Variants in UNKL observed in about 807,000 individuals in gnomAD.
UNKL encodes putative E3 ubiquitin-protein ligase UNKL.
In UNKL, 60 loss-of-function variants were observed where a neutral mutation model predicts 78.0. The observed-to-expected ratio is 0.77, with a 90% confidence interval of 0.63 to 0.95. The LOEUF is 0.95. UNKL is among the 40% of genes least tolerant of loss of function. The pLI is 0.00. For missense variants in UNKL, 1,159 were observed against 1,045.7 expected (o/e 1.11, Z -1.49); for synonymous variants, 608 against 474.8 (o/e 1.28, Z -3.65).
At chr16:1,398,184 C>T (rs750183660) in intron 5 of UNKL, 60 of 565,512 alleles carry the variant, frequency 1.1e-4, no homozygotes, top group Non-Finnish European at 1.2e-4. Flanking sequence ...TTTAAAACTC[C>T]GCACCAATTT....
rs1476401569 is a variant in UNKL, at chr16:1,413,935, G to A, written c.198C>T (p.Leu66=). The change falls in exon 2 of 15, where the codon CTC becomes CTT. Residue 66 remains leucine, a synonymous_variant. Transcript: ENST00000389221. ...HFLNQRRRRP[L]RRRDGTFNYS... ...AGTTGAAGGTGCCGTCGCGCCTGCG[G>A]AGGGGCCTGCGGCGCCGCTGGTTGA... 5 of 1,554,968 alleles carry A rather than the reference G, an allele frequency of 3.2e-6. No individual in the cohort carries two copies. In the Admixed American group the frequency reaches 7.8e-5, roughly 24 times the overall value.
In UNKL at chr16:1,367,110, G is replaced by A. The variant is rs1238104627; in HGVS notation, c.2028C>T (p.Asp676=). 1 of 1,579,934 alleles carries A rather than the reference G, an allele frequency of 6.3e-7. No individual in the cohort carries two copies. Among genetic ancestry groups the A allele is most frequent in the Non-Finnish European group, 8.6e-7 (1 of 1,166,814 alleles). The change falls in exon 14 of 15, where the codon GAC becomes GAT. Residue 676 remains aspartate (D), a synonymous_variant. Coordinates refer to ENST00000389221, the MANE Select transcript of UNKL (RefSeq NM_001372107.1). ...LHSLQSQLRL[D]LEAVDGVIFQ... ...GACTCACGCCGTCCACCGCCTCCAGGTCCAGGCGCAGCTGACTCTGCAGCG... is the reference window on the plus strand; with the variant it reads ...GACTCACGCCGTCCACCGCCTCCAGATCCAGGCGCAGCTGACTCTGCAGCG...
rs4984821 is a variant in UNKL, at chr16:1,364,660, C to G, written c.*1580G>C. On this transcript the variant is annotated 3_prime_UTR_variant, in exon 15 of 15. Transcript: ENST00000389221. ...ACGGGACAGGGGACCACAGCAGAGC[C>G]GGGACCTGGGGGGGGTCGCTTCCCC... 1 of 143,874 alleles carries G rather than the reference C, an allele frequency of 7.0e-6. No homozygotes were observed. The highest frequency in any genetic ancestry group is 3.0e-5 in the African/African-American group (1 of 33,480). The allele number at this position is 143,874 out of a possible 1,614,324, so 8.9% of individuals were successfully genotyped here.
At chr16:1,385,165 A>C (rs2036759844) in intron 10 of UNKL, 43 bp downstream of exon 10, 5 of 1,230,854 alleles carry the variant, frequency 4.1e-6, no homozygotes, top group Non-Finnish European at 5.1e-6. Flanking sequence ...CAGCATGAAC[A>C]CAGAAGGAGG....
At chr16:1,396,166 C>A (rs1401242965) in intron 6 of UNKL, among the ~76,000 whole-genome samples, 1 of 150,528 alleles carries the variant, frequency 6.6e-6, no homozygotes. Context: ...GGTTTCGAAC[C>A]CCTGACCTCA....
At chr16:1,405,005 G>C (rs1219680560) in intron 2 of UNKL, among the ~76,000 whole-genome samples, 1 of 152,018 alleles carries the variant, frequency 6.6e-6, no homozygotes, top group Admixed American at 6.6e-5. Flanking sequence ...ACTAGCCTGG[G>C]CAACATGGTG....
chr16:1,389,181 C>T (rs1410132525), intron 9 of UNKL, among the ~76,000 whole-genome samples: 1 of 152,150 alleles, frequency 6.6e-6, no homozygotes, highest in Non-Finnish European at 1.5e-5. Flanking sequence ...TCAGTCAGCA[C>T]AGTGTCTTTG....
At chr16:1,412,243 A>G (rs1220609134) in intron 2 of UNKL, 3 of 152,280 alleles carry the variant, frequency 2.0e-5, no homozygotes, top group African/African-American at 7.2e-5. Context: ...ACATCTGTTC[A>G]TAACACTATT....
At chr16:1,376,089 G>A (rs371319479) in intron 10 of UNKL, among the ~76,000 whole-genome samples, 6 of 150,924 alleles carry the variant, frequency 4.0e-5, no homozygotes, top group African/African-American at 9.7e-5. Context: ...CAGGGCTGGG[G>A]CGCTCCTCCT....
Position 1,414,140 on chromosome 16 carries a change from A to C in UNKL, c.78-85T>G, listed in dbSNP as rs2038172871. 5.1e-6 allele frequency: 7 copies of C among 1,365,630 alleles called. No individual in the cohort carries two copies. In the Admixed American group the frequency reaches 1.6e-4, roughly 31 times the overall value. 84.6% of individuals were successfully genotyped at this position (1,365,630 alleles called of 1,614,324 possible). ...GTGGGCGGCGGGACCCACCGGCCTC[A>C]GGAGCCTCAACCCAGGGTCGACCCG... On this transcript the variant is annotated intron_variant, in intron 1 of 14. Coordinates refer to ENST00000389221, the MANE Select transcript of UNKL (RefSeq NM_001372107.1).
chr16:1,401,836 A>G, intron 3 of UNKL, 135 bp from the exon 4 acceptor site: 2 of 1,238,550 alleles, frequency 1.6e-6, no homozygotes, highest in East Asian at 2.6e-5. Flanking sequence ...ACGGAGTCTC[A>G]GTGTGTGGCG....
rs1206777665 is a variant in UNKL at position 1,370,235 on chromosome 16, G to A, written c.1480C>T (p.Pro494Ser). Residue 494 changes from proline (P) to serine (S), a missense_variant, in exon 12 of 15, where the codon CCA (proline) becomes TCA (serine). By Grantham distance (74) the Pro-to-Ser change is moderately conservative (BLOSUM62 -1). Transcript: ENST00000389221. ...ATGGCTGAGGAGCCCACCGGCCCTG[G>A]GAGGGGCTGGGACAGCGAACCGAGC... ...SPLGSLSQPL[P>S]GPVGSSAMTP... 2.0e-6 allele frequency: 3 copies of A among 1,531,688 alleles called. No individual in the cohort carries two copies. In the South Asian group the frequency reaches 3.6e-5, roughly 18 times the overall value. The allele number at this position is 1,531,688 out of a possible 1,614,324, so 94.9% of individuals were successfully genotyped here. A position where few individuals can be genotyped will look rare whatever the true frequency, so the allele number is the denominator to read the frequency against.
At position 1,367,224 on chromosome 16, in the gene UNKL, C is replaced by G. The variant is rs778865379; in HGVS notation, c.1914G>C (p.Glu638Asp). ...EVEAQVKQLQ[E>D]ELEGLGVAST... ...AGGCTACGCCCAGGCCCTCCAGCTC[C>G]TCCTGCAGCTGCTTCACCTGTGCCT... Residue 638 changes from glutamate to aspartate, a missense_variant, in exon 14 of 15, where the codon GAG becomes GAC. By Grantham distance (45) the Glu-to-Asp change is conservative. Transcript: ENST00000389221. The G allele has an allele frequency of 2.5e-6, 4 of 1,601,738 alleles. No individual in the cohort carries two copies. In the East Asian group the frequency reaches 6.7e-5, roughly 27 times the overall value.
chr16:1,376,932 G>A (rs112601110), intron 10 of UNKL, among the ~76,000 whole-genome samples: 10 of 152,070 alleles, frequency 6.6e-5, no homozygotes, highest in African/African-American at 2.4e-4. Flanking sequence ...AGTGGACAGC[G>A]AACCCTGGGA....
At chr16:1,379,597 G>A (rs1326956544) in intron 10 of UNKL, 3 of 985,148 alleles carry the variant, frequency 3.0e-6, no homozygotes, top group South Asian at 4.7e-5. Context: ...CCCGCACCTT[G>A]GCGGCGCACG....
In UNKL at chr16:1,366,127, T is replaced by G; in HGVS notation, c.*113A>C. The stretch of plus-strand genomic sequence containing the variant: ...CATGATAACGTGTAACAGGAAGGGC[T>G]CCCAGCCTCGGTCCTCACGTCGGTG... On this transcript the variant is annotated 3_prime_UTR_variant, in exon 15 of 15. Transcript: ENST00000389221. The G allele has an allele frequency of 7.8e-7, 1 of 1,278,236 alleles. No homozygotes were observed. The highest frequency in any genetic ancestry group is 1.0e-6 in the Non-Finnish European group (1 of 981,274). The allele number at this position is 1,278,236 out of a possible 1,614,324, so 79.2% of individuals were successfully genotyped here.
chr16:1,395,213 G>A (rs1335295444), intron 6 of UNKL, among the ~76,000 whole-genome samples: 1 of 148,722 alleles, frequency 6.7e-6, no homozygotes, highest in Non-Finnish European at 1.5e-5. Flanking sequence ...TGTCGCCCAG[G>A]CTGGAGTACA....
intron 9 of UNKL, among the ~76,000 whole-genome samples, chr16:1,389,292 A>G (rs988050315): frequency 2.0e-5 from 3 of 152,182 alleles, no homozygotes; most frequent in African/African-American, 7.2e-5. Context: ...ATTAAGGTGA[A>G]ATGAGTTCTT....
chr16:1,366,285 G>C lies in UNKL; in HGVS notation c.2157C>G (p.Thr719=), dbSNP rs373042707. 2.5e-6 allele frequency: 4 copies of C among 1,595,330 alleles called. No homozygotes were observed. The highest frequency in any genetic ancestry group is 3.4e-6 in the Non-Finnish European group (4 of 1,172,486). The stretch of plus-strand genomic sequence containing the variant: ...CCTTGCAGTAGGGGCACTCAGGTGC[G>C]GTGGCCGCACACGGCTCACAGAGGA... The part of the protein sequence containing the change: ...HHILCEPCAA[T]APECPYCKGQ... Residue 719 remains threonine, a synonymous_variant, in exon 15 of 15, where the codon ACC becomes ACG. Coordinates refer to ENST00000389221, the MANE Select transcript of UNKL (RefSeq NM_001372107.1).
Sources: gnomAD v4.1 joint callset for allele counts (sites outside exome capture counted in the v4.1 genomes callset) on GRCh38, gnomAD v4.1.1 for gene constraint, MANE v1.5 for transcripts, NCBI Gene and HGNC (gene_info 2026-07-23, HGNC 2026-07-21) for gene names.